The following PRKN variants were observed in gnomAD, a reference collection of about 807,000 sequenced individuals.
The protein encoded by PRKN is E3 ubiquitin-protein ligase parkin.
In PRKN, 56 loss-of-function variants were observed where a neutral mutation model predicts 59.5. The ratio of observed to expected loss-of-function variants is 0.94; its 90% CI spans 0.76 to 1.18. The LOEUF (loss-of-function observed/expected upper bound fraction) is 1.18. Ranked by LOEUF, PRKN falls within the 50% of genes most tolerant of loss-of-function variation. The pLI, the probability that PRKN is intolerant of heterozygous loss-of-function variation, is 0.00. For synonymous variants in PRKN, 250 were observed against 222.1 expected, an observed-to-expected ratio of 1.13 and a Z score of -1.12; for missense variants, 657 against 596.4, an observed-to-expected ratio of 1.10 and a Z score of -1.06.
At chr6:162,173,603 C>G (rs1443487728) in intron 4 of PRKN, among the ~76,000 whole-genome samples, 1 of 151,054 alleles carries the variant, frequency 6.6e-6, no homozygotes, top group African/African-American at 2.4e-5. Flanking sequence ...CAGGGAGAAT[C>G]TGGCCTACAA....
chr6:161,712,328 T>A (rs1786783571), intron 7 of PRKN, among the ~76,000 whole-genome samples: 1 of 152,080 alleles, frequency 6.6e-6, no homozygotes, highest in African/African-American at 2.4e-5. Context: ...GTCAACTGGA[T>A]GAAATGTGGG....
rs147128220 is a variant in PRKN, at chr6:162,146,887, C to T, written c.534+54244G>A. ...CTGAGATTACAGGCATGGGCCACCA[C>T]TTCTGGCTAATTTCTGTATTTTTAG... is the stretch of plus-strand genomic sequence containing the variant. On this transcript the variant is annotated intron_variant, in intron 4 of 11. Coordinates refer to ENST00000366898, the MANE Select transcript of PRKN (RefSeq NM_004562.3). Among the ~76,000 whole-genome samples the T allele has an allele frequency of 6.0e-4, 91 of 151,998 alleles. No homozygotes were observed. In the East Asian group the frequency reaches 0.017, roughly 29 times the overall value.
At chr6:162,450,212 G>C (rs761502560) in intron 1 of PRKN, among the ~76,000 whole-genome samples, 3 of 151,724 alleles carry the variant, frequency 2.0e-5, no homozygotes, top group Non-Finnish European at 4.4e-5. Context: ...TGCTCAAGGA[G>C]GTGAAGTATA....
Position 161,446,309 on chromosome 6 carries a change from A to G in PRKN, c.1084-59432T>C, listed in dbSNP as rs1789489588. Among the ~76,000 whole-genome samples the G allele has an allele frequency of 6.6e-6, 1 of 152,164 alleles. No homozygotes were observed. Among genetic ancestry groups the G allele is most frequent in the African/African-American group, 2.4e-5 (1 of 41,442 alleles). On this transcript the variant is annotated intron_variant, in intron 9 of 11. Coordinates refer to ENST00000366898, the MANE Select transcript of PRKN (RefSeq NM_004562.3). This position sits in a 1 kb window ranked among gnomAD's most constrained non-coding sequence, Gnocchi z 6.2. ...GGCTGCCTGGGGCTGAGCAGGGAGC[A>G]CCATGCTTGTAGGCCTTTGGGGAGG... is the stretch of plus-strand genomic sequence containing the variant.
At chr6:162,637,260 C>T (rs1385335161) in intron 1 of PRKN, among the ~76,000 whole-genome samples, 34 of 79,904 alleles carry the variant, frequency 4.3e-4, no homozygotes, top group Non-Finnish European at 7.3e-4. Context: ...CCGTCTGCCA[C>T]CTCCTCCCAC....
intron 1 of PRKN, among the ~76,000 whole-genome samples, chr6:162,600,960 G>A (rs989437137): frequency 6.6e-6 from 1 of 152,134 alleles, no homozygotes; most frequent in African/African-American, 2.4e-5. Flanking sequence ...AGTAGCGTAA[G>A]AATGGATAAC....
rs35606678 is a variant in PRKN at position 162,701,690 on chromosome 6, C to CT, written c.7+25971dup. Among the ~76,000 whole-genome samples, 788 of 148,484 alleles carry CT rather than the reference C, an allele frequency of 5.3e-3. 11 individuals are homozygous for CT. The highest frequency in any genetic ancestry group is 0.016 in the African/African-American group (650 of 40,704). On this transcript the variant is annotated intron_variant, in intron 1 of 11. Coordinates refer to ENST00000366898, the MANE Select transcript of PRKN (RefSeq NM_004562.3). ...CCAAGATTGGAGCTTTCTTCACTCT[C>CT]TTTTTTTTTTGACATCAGTGTACAA...
intron 4 of PRKN, among the ~76,000 whole-genome samples, chr6:162,090,898 A>C (rs541189347): frequency 6.6e-6 from 1 of 152,300 alleles, no homozygotes; most frequent in African/African-American, 2.4e-5. Flanking sequence ...CCACAGTCTG[A>C]GTTCTATTTG....
chr6:161,741,513 T>C (rs1256288227), intron 7 of PRKN, among the ~76,000 whole-genome samples: 3 of 152,136 alleles, frequency 2.0e-5, no homozygotes, highest in African/African-American at 7.2e-5. Flanking sequence ...CCCTAGAGCA[T>C]CACATCAGGG....
chr6:162,431,208 T>C (rs1459533030), intron 2 of PRKN, among the ~76,000 whole-genome samples: 1 of 119,052 alleles, frequency 8.4e-6, no homozygotes, highest in Non-Finnish European at 1.7e-5. Flanking sequence ...ATGGACTTGG[T>C]TGCCTTGTGG....
chr6:162,077,090 A>T (rs555419945), intron 4 of PRKN, among the ~76,000 whole-genome samples: 19 of 152,192 alleles, frequency 1.2e-4, no homozygotes, highest in African/African-American at 4.3e-4. Context: ...GATTCCCCAG[A>T]CTACCTTCAC....
At chr6:161,813,358 T>C (rs576955449) in intron 6 of PRKN, among the ~76,000 whole-genome samples, 2 of 152,172 alleles carry the variant, frequency 1.3e-5, no homozygotes, top group Admixed American at 1.3e-4. Context: ...CTCACCGGGC[T>C]GCGGCGAGGC....
At chr6:162,356,746 G>GA (rs1491299883) in intron 2 of PRKN, among the ~76,000 whole-genome samples, 1 of 50,110 alleles carries the variant, frequency 2.0e-5, no homozygotes. Context: ...GTGATTATTA[G>GA]TAAAAAAAAA....
At chr6:162,648,311 T>G (rs938537936) in intron 1 of PRKN, among the ~76,000 whole-genome samples, 1 of 152,262 alleles carries the variant, frequency 6.6e-6, no homozygotes, top group Non-Finnish European at 1.5e-5. Context: ...CAATGGTCAC[T>G]ATGTGTTTAA....
At chr6:161,669,532 A>T (rs1004181988) in intron 7 of PRKN, among the ~76,000 whole-genome samples, 1 of 152,210 alleles carries the variant, frequency 6.6e-6, no homozygotes, top group African/African-American at 2.4e-5. Context: ...CGATGTTCCA[A>T]TGTAATGGAA....
chr6:162,153,198 C>T (rs1361230571), intron 4 of PRKN, among the ~76,000 whole-genome samples: 1 of 152,214 alleles, frequency 6.6e-6, no homozygotes. Flanking sequence ...CAGGAGGGAG[C>T]GTGCAAGTGA....
chr6:161,370,345 G>A (rs1785389792), intron 10 of PRKN, among the ~76,000 whole-genome samples: 1 of 151,682 alleles, frequency 6.6e-6, no homozygotes, highest in African/African-American at 2.4e-5. Context: ...AGCACTTTGG[G>A]AGGCCGAGGC....
chr6:161,698,018 A>G (rs1786093297), intron 7 of PRKN, among the ~76,000 whole-genome samples: 1 of 152,164 alleles, frequency 6.6e-6, no homozygotes, highest in East Asian at 1.9e-4. Flanking sequence ...CTAACACTTT[A>G]GTAAAGAAAC....
chr6:161,882,618 A>G (rs1399684577), intron 6 of PRKN, among the ~76,000 whole-genome samples: 2 of 152,226 alleles, frequency 1.3e-5, no homozygotes, highest in Non-Finnish European at 2.9e-5. Context: ...GAGAGAGTAC[A>G]GTCACTGGAG....
Sources: gnomAD v4.1 joint callset for allele counts (sites outside exome capture counted in the v4.1 genomes callset) on GRCh38, gnomAD v4.1.1 for gene constraint, Gnocchi (gnomAD v3.1) non-coding constraint, MANE v1.5 for transcripts, NCBI Gene and HGNC (gene_info 2026-07-23, HGNC 2026-07-21) for gene names.